USP22: variants seen among roughly 807,000 people sequenced by gnomAD.
USP22 encodes ubiquitin carboxyl-terminal hydrolase 22.
A neutral mutation model predicts 68.1 loss-of-function variants in USP22; 22 were observed. That is an observed-to-expected ratio of 0.32 (90% confidence interval 0.23 to 0.46). USP22 has a LOEUF of 0.46. Among genes scored for constraint, USP22 ranks in the 20% least tolerant of loss-of-function variants. The pLI is 1.00. For synonymous variants in USP22, 279 were observed against 274.2 expected, an observed-to-expected ratio of 1.02 and a Z score of -0.17; for missense variants, 433 against 695.8, an observed-to-expected ratio of 0.62 and a Z score of 4.25.
chr17:21,038,319 C>G (rs1185623125), intron 1 of USP22, among the ~76,000 whole-genome samples: 1 of 152,006 alleles, frequency 6.6e-6, no homozygotes, highest in Non-Finnish European at 1.5e-5. Context: ...TGAGAGCTCT[C>G]TACAATGTGC....
At chr17:21,043,123 A>ACCCCCCCCCC (rs1334241677), upstream of USP22, 8 of 18,886 alleles carry the variant, frequency 4.2e-4, 1 homozygote, top group Admixed American at 1.7e-3. Context: ...AGATTACGTC[A>ACCCCCCCCCC]CCCCCCCCCC....
chr17:21,019,047 A>C, intron 4 of USP22, 37 bp downstream of exon 4: 1 of 1,602,098 alleles, frequency 6.2e-7, no homozygotes, highest in Non-Finnish European at 8.6e-7. Context: ...AACCCTGGAA[A>C]GAAGCCTAGC....
At chr17:21,039,385 C>A (rs1246500817) in intron 1 of USP22, among the ~76,000 whole-genome samples, 1 of 151,578 alleles carries the variant, frequency 6.6e-6, no homozygotes. Context: ...CGAGACCAGT[C>A]TGACCAACAT....
In USP22 at chr17:21,042,680, C is replaced by T; in HGVS notation, c.156G>A (p.Glu52=). 7.5e-7 allele frequency: 1 copy of T among 1,331,196 alleles called. No individual in the cohort carries two copies. The highest frequency in any genetic ancestry group is 9.7e-7 in the Non-Finnish European group (1 of 1,031,604). 82.5% of individuals were successfully genotyped at this position (1,331,196 alleles called of 1,614,324 possible). A position where few individuals can be genotyped will look rare whatever the true frequency, so the allele number is the denominator to read the frequency against. ...YQCFVWSGTA[E]ARKRKAKSCI... ...CCGGGCGCACCTTGCGCTTGCGGGC[C>T]TCAGCCGTGCCGCTCCACACGAAGC... Residue 52 remains glutamate (E), a synonymous_variant, in exon 1 of 13, where the codon GAG becomes GAA. Coordinates refer to ENST00000261497, the MANE Select transcript of USP22 (RefSeq NM_015276.2).
chr17:21,003,008 T>C lies in USP22; in HGVS notation c.*23A>G. The C allele has an allele frequency of 6.2e-7, 1 of 1,613,254 alleles. No individual in the cohort carries two copies. The highest frequency in any genetic ancestry group is 1.3e-5 in the African/African-American group (1 of 75,004). On this transcript the variant is annotated 3_prime_UTR_variant, in exon 13 of 13. Coordinates refer to ENST00000261497, the MANE Select transcript of USP22 (RefSeq NM_015276.2). ...GGCTTGCCAATGCATTGCCTTTGTT[T>C]TTCTGACCAGCTGCAGATAAGGCTA...
chr17:21,043,313 C>CCCCCCCCCCT (rs1972475825), upstream of USP22: 1 of 88,720 alleles, frequency 1.1e-5, no homozygotes, highest in Admixed American at 9.1e-5. Context: ...CCCCCCCCCC[C>CCCCCCCCCCT]CCGGCACCTT....
chr17:21,013,717 G>T (rs1914040220), intron 6 of USP22, among the ~76,000 whole-genome samples: 1 of 152,152 alleles, frequency 6.6e-6, no homozygotes, highest in Non-Finnish European at 1.5e-5. Context: ...TTCCCAGAGG[G>T]ATCTCAAATT....
intron 7 of USP22, 38 bp downstream of exon 7, chr17:21,012,792 A>G: frequency 6.3e-7 from 1 of 1,579,092 alleles, no homozygotes; most frequent in Non-Finnish European, 8.7e-7. Context: ...ACGGCCCCAG[A>G]GGGTTTGATA....
intron 1 of USP22, among the ~76,000 whole-genome samples, chr17:21,038,665 C>CAA (rs35897137): frequency 9.3e-6 from 1 of 107,654 alleles, no homozygotes; most frequent in Non-Finnish European, 2.1e-5. Context: ...GACCCTGTCT[C>CAA]AAAAAAAAAA....
intron 1 of USP22, among the ~76,000 whole-genome samples, chr17:21,037,244 G>A (rs1295210507): frequency 6.6e-6 from 1 of 152,120 alleles, no homozygotes; most frequent in African/African-American, 2.4e-5. Flanking sequence ...ATACATAAAC[G>A]TTCCAAATAA....
At position 21,028,655 on chromosome 17, in the gene USP22, T is replaced by C; in HGVS notation, c.191A>G (p.His64Arg). The C allele has an allele frequency of 6.2e-7, 1 of 1,613,624 alleles. No individual in the cohort carries two copies. Among genetic ancestry groups the C allele is most frequent in the African/African-American group, 1.3e-5 (1 of 74,882 alleles). ...CCTGTTGAGGTGGACGCCACAGACATGGCAGATACAGGACTTGGCCTGAAA... is the reference window on the plus strand; with the variant it reads ...CCTGTTGAGGTGGACGCCACAGACACGGCAGATACAGGACTTGGCCTGAAA... ...RKRKAKSCIC[H>R]VCGVHLNRLH... The change falls in exon 2 of 13, where the codon CAT (histidine) becomes CGT (arginine). Residue 64 changes from histidine to arginine, a missense_variant. Physicochemically the swap from His to Arg is conservative, Grantham distance 29. Around this residue, in one of 4 missense-constraint regions of USP22, gnomAD observed 144 missense variants for 237.2 expected, o/e 0.61. Coordinates refer to ENST00000261497, the MANE Select transcript of USP22 (RefSeq NM_015276.2).
Position 21,004,206 on chromosome 17 carries a change from C to T in USP22, c.1531G>A (p.Glu511Lys), listed in dbSNP as rs780207223. 1.9e-6 allele frequency: 3 copies of T among 1,613,932 alleles called. No individual in the cohort carries two copies. Among genetic ancestry groups the T allele is most frequent in the Admixed American group, 1.7e-5 (1 of 60,010 alleles). ...KASIKDVLDS[E>K]GYLLFYHKQF... ...CTCCCACCCCACAGGACGCACCCTTCGCTGTCCAGGACGTCCTTGATGCTG... is the reference window on the plus strand; with the variant it reads ...CTCCCACCCCACAGGACGCACCCTTTGCTGTCCAGGACGTCCTTGATGCTG... The change falls in exon 12 of 13, where the codon GAA becomes AAA. Residue 511 changes from glutamate to lysine, a missense_variant. By Grantham distance (56) the Glu-to-Lys change is moderately conservative (BLOSUM62 1). Transcript: ENST00000261497.
intron 8 of USP22, 41 bp from the exon 9 acceptor site, chr17:21,008,037 C>A: frequency 6.3e-7 from 1 of 1,590,470 alleles, no homozygotes; most frequent in African/African-American, 1.3e-5. Flanking sequence ...AAGGGAGATG[C>A]AAGAGACAGA....
At chr17:21,039,254 A>G (rs1972396471) in intron 1 of USP22, among the ~76,000 whole-genome samples, 1 of 151,250 alleles carries the variant, frequency 6.6e-6, no homozygotes, top group Non-Finnish European at 1.5e-5. Context: ...CCCGGCAGAA[A>G]TATTTTTATA....
chr17:21,020,809 G>A (rs1211692235), intron 3 of USP22, among the ~76,000 whole-genome samples: 3 of 152,148 alleles, frequency 2.0e-5, no homozygotes, highest in African/African-American at 4.8e-5. Flanking sequence ...CCCTGGGAGA[G>A]CTTAAGTAAT....
At chr17:21,004,110 G>A in intron 12 of USP22, 92 bp downstream of exon 12, 1 of 1,529,412 alleles carries the variant, frequency 6.5e-7, no homozygotes, top group Non-Finnish European at 8.9e-7. Flanking sequence ...CCTTCGAGTG[G>A]TTCTAGGCTC....
In USP22 at chr17:21,007,004, G is replaced by C. The variant is rs76025118; in HGVS notation, c.1231-17C>G. The C allele has an allele frequency of 0.013, 20,368 of 1,576,748 alleles. 158 individuals are homozygous for C. Among genetic ancestry groups the C allele is most frequent in the South Asian group, 0.02 (1,696 of 86,262 alleles). On this transcript the variant is annotated splice_polypyrimidine_tract_variant and intron_variant, in intron 9 of 12. Coordinates refer to ENST00000261497, the MANE Select transcript of USP22 (RefSeq NM_015276.2). Reference sequence around the variant, plus strand: ...TTCAAATCGCTGCAGAAATAGGAAGGGGACAGAGGGAAGAGGAAAGAAGAT... The same window carrying C: ...TTCAAATCGCTGCAGAAATAGGAAGCGGACAGAGGGAAGAGGAAAGAAGAT...
At chr17:21,032,044 C>T (rs1367655705) in intron 1 of USP22, among the ~76,000 whole-genome samples, 1 of 152,210 alleles carries the variant, frequency 6.6e-6, no homozygotes, top group South Asian at 2.1e-4. Context: ...TGTACAATGG[C>T]GGTCCCAGAA....
At chr17:21,010,810 G>C (rs952739983) in intron 8 of USP22, among the ~76,000 whole-genome samples, 1 of 149,600 alleles carries the variant, frequency 6.7e-6, no homozygotes, top group Non-Finnish European at 1.5e-5. Context: ...ACCATGGGGA[G>C]AGGCCCGGGC....
Sources: allele counts gnomAD v4.1 joint callset (sites outside exome capture counted in the v4.1 genomes callset), GRCh38; gene constraint gnomAD v4.1.1; regional missense constraint gnomAD v4.1.1; transcripts MANE v1.5; gene names NCBI Gene and HGNC (gene_info 2026-07-23, HGNC 2026-07-21).